Variants in MOB3B observed in about 807,000 individuals in gnomAD.
The protein encoded by MOB3B is MOB kinase activator-like 2B.
Under a neutral mutation model 18.7 loss-of-function variants are expected in MOB3B, and 7 were observed. That is an observed-to-expected ratio of 0.37 (90% CI 0.21 to 0.70). The LOEUF is 0.70. MOB3B is among the 30% of genes least tolerant of loss of function. MOB3B has a pLI of 0.52. For synonymous variants in MOB3B, 111 were observed against 99.9 expected (o/e 1.11, Z -0.66); for missense variants, 253 against 281.3 (o/e 0.90, Z 0.72).
chr9:27,470,204 C>T (rs941938401), intron 1 of MOB3B, among the ~76,000 whole-genome samples: 6 of 151,544 alleles, frequency 4.0e-5, no homozygotes, highest in Admixed American at 3.3e-4. Flanking sequence ...ATTCATATTC[C>T]TGGTGATTTT....
intron 1 of MOB3B, among the ~76,000 whole-genome samples, chr9:27,456,564 GAATTAGTC>G (rs1270387860): frequency 6.6e-6 from 1 of 152,198 alleles, no homozygotes; most frequent in East Asian, 1.9e-4. Context: ...CACATTTCCT[GAATTAGTC>G]AAAGCCTTAC....
At chr9:27,381,101 C>T (rs1821571525) in intron 2 of MOB3B, among the ~76,000 whole-genome samples, 1 of 152,158 alleles carries the variant, frequency 6.6e-6, no homozygotes, top group Admixed American at 6.5e-5. Context: ...ATGCCTCAAA[C>T]TCTACTGCAG....
chr9:27,467,827 C>A (rs1227226170), intron 1 of MOB3B, among the ~76,000 whole-genome samples: 13 of 152,352 alleles, frequency 8.5e-5, no homozygotes. Context: ...AAAGGGTGGG[C>A]AAATCCAGAG....
At chr9:27,386,412 G>A (rs1821650805) in intron 2 of MOB3B, among the ~76,000 whole-genome samples, 6 of 152,224 alleles carry the variant, frequency 3.9e-5, no homozygotes, top group Admixed American at 3.9e-4. Flanking sequence ...GACAGTCTTG[G>A]TCTGGGAGTA....
intron 2 of MOB3B, among the ~76,000 whole-genome samples, chr9:27,384,674 C>T (rs1165290426): frequency 6.6e-6 from 1 of 152,222 alleles, no homozygotes; most frequent in African/African-American, 2.4e-5. Context: ...GGCAGCAATG[C>T]TCTTTCCCCA....
At chr9:27,495,493 T>C (rs1417637686) in intron 1 of MOB3B, among the ~76,000 whole-genome samples, 1 of 152,160 alleles carries the variant, frequency 6.6e-6, no homozygotes, top group Non-Finnish European at 1.5e-5. Context: ...CTGTATTAGT[T>C]TTCCCATGCC....
intron 3 of MOB3B, among the ~76,000 whole-genome samples, chr9:27,341,000 C>T (rs1820932608): frequency 6.6e-6 from 1 of 152,224 alleles, no homozygotes; most frequent in Non-Finnish European, 1.5e-5. Context: ...AGGAATGAAA[C>T]AGATTTCAGC....
At chr9:27,370,039 ACACGGTGGTT>A (rs1348276930) in intron 2 of MOB3B, among the ~76,000 whole-genome samples, 11 of 152,002 alleles carry the variant, frequency 7.2e-5, no homozygotes, top group African/African-American at 2.7e-4. Flanking sequence ...GCATAGCAGA[ACACGGTGGTT>A]CTCCATATGT....
intron 2 of MOB3B, among the ~76,000 whole-genome samples, chr9:27,453,872 A>C (rs1484619535): frequency 6.6e-6 from 1 of 152,196 alleles, no homozygotes; most frequent in Non-Finnish European, 1.5e-5. Flanking sequence ...TGAACCTAAG[A>C]AATTTCCACC....
At chr9:27,443,295 G>A (rs1266671109) in intron 2 of MOB3B, among the ~76,000 whole-genome samples, 4 of 152,128 alleles carry the variant, frequency 2.6e-5, no homozygotes, top group East Asian at 1.9e-4. Flanking sequence ...AGTCAGGAAC[G>A]TGCCACCAAA....
At chr9:27,416,998 T>C (rs1822160523) in intron 2 of MOB3B, among the ~76,000 whole-genome samples, 2 of 152,118 alleles carry the variant, frequency 1.3e-5, no homozygotes, top group South Asian at 4.1e-4. Flanking sequence ...AAAGAAACAA[T>C]GTTATTGGGA....
chr9:27,496,742 C>T (rs746233420), intron 1 of MOB3B, among the ~76,000 whole-genome samples: 2 of 152,194 alleles, frequency 1.3e-5, no homozygotes, highest in Non-Finnish European at 2.9e-5. Context: ...CCACTCTAAA[C>T]TCTCCCTGGG....
chr9:27,453,784 A>T (rs1412360272), intron 2 of MOB3B, among the ~76,000 whole-genome samples: 1 of 152,208 alleles, frequency 6.6e-6, no homozygotes, highest in African/African-American at 2.4e-5. Context: ...GGCAGTTGCT[A>T]GTAAGGCTTC....
chr9:27,343,612 G>A (rs1587143084), intron 3 of MOB3B, among the ~76,000 whole-genome samples: 1 of 151,020 alleles, frequency 6.6e-6, no homozygotes, highest in Non-Finnish European at 1.5e-5. Flanking sequence ...TTACATACAG[G>A]AAATGTACTT....
At chr9:27,482,155 A>G (rs551762408) in intron 1 of MOB3B, among the ~76,000 whole-genome samples, 38 of 152,342 alleles carry the variant, frequency 2.5e-4, no homozygotes, top group Non-Finnish European at 4.7e-4. Context: ...GGCTTATGCT[A>G]AAACGCCACT....
chr9:27,329,496 C>CGG lies in MOB3B; in HGVS notation c.*1090_*1091insCC, dbSNP rs1224059448. Reference sequence around the variant, plus strand: ...AAATTAATTTTGTGCCGTAACATAACGTGGCAGAGGAGTGGGGAGCGTGGA... The same window carrying CGG: ...AAATTAATTTTGTGCCGTAACATAACGGGTGGCAGAGGAGTGGGGAGCGTGGA... On this transcript the variant is annotated 3_prime_UTR_variant, in exon 4 of 4. Transcript: ENST00000262244. 1 of 152,260 alleles carries CGG rather than the reference C, an allele frequency of 6.6e-6. No homozygotes were observed. The highest frequency in any genetic ancestry group is 2.4e-5 in the African/African-American group (1 of 41,446). 9.4% of individuals were successfully genotyped at this position (152,260 alleles called of 1,614,324 possible).
intron 2 of MOB3B, among the ~76,000 whole-genome samples, chr9:27,384,089 A>G (rs1481856116): frequency 1.3e-5 from 2 of 152,078 alleles, no homozygotes; most frequent in South Asian, 2.1e-4. Flanking sequence ...ATCCTTTTCT[A>G]TATAATAGAA....
At chr9:27,363,509 C>T (rs951045690) in intron 2 of MOB3B, among the ~76,000 whole-genome samples, 2 of 150,894 alleles carry the variant, frequency 1.3e-5, no homozygotes, top group African/African-American at 4.9e-5. Context: ...ACCTCGTGAT[C>T]TGCCCACCTC....
At chr9:27,431,557 T>A (rs1822417836) in intron 2 of MOB3B, among the ~76,000 whole-genome samples, 1 of 152,166 alleles carries the variant, frequency 6.6e-6, no homozygotes, top group South Asian at 2.1e-4. Context: ...GGAGATAACA[T>A]GAGGACCAGT....
Sources: gnomAD v4.1 joint callset for allele counts (sites outside exome capture counted in the v4.1 genomes callset) on GRCh38, gnomAD v4.1.1 for gene constraint, MANE v1.5 for transcripts, NCBI Gene and HGNC (gene_info 2026-07-23, HGNC 2026-07-21) for gene names.